Variants in RBFOX1 observed in about 807,000 individuals in gnomAD.
RBFOX1 encodes RNA binding fox-1 homolog 1, also known as RNA binding protein fox-1 homolog 1.
A neutral mutation model predicts 57.7 loss-of-function variants in RBFOX1; 8 were observed. The observed-to-expected ratio is 0.14, with a 90% CI of 0.08 to 0.25. The LOEUF is 0.25. Ranked by LOEUF, RBFOX1 falls within the 10% of genes least tolerant of loss-of-function variation. The pLI, the probability that RBFOX1 is intolerant of heterozygous loss-of-function variation, is 1.00. For missense variants in RBFOX1, 611 were observed against 548.5 expected, an observed-to-expected ratio of 1.11 and a Z score of -1.14; for synonymous variants, 326 against 222.4, an observed-to-expected ratio of 1.47 and a Z score of -4.15.
chr16:6,843,438 C>T (rs530549485), intron 3 of RBFOX1, among the ~76,000 whole-genome samples: 1 of 152,112 alleles, frequency 6.6e-6, no homozygotes, highest in Non-Finnish European at 1.5e-5. Context: ...CCTGTAATCC[C>T]AGTACTTTGG....
In RBFOX1 at chr16:5,814,249, G is replaced by T. The variant is rs147658300; in HGVS notation, c.319-53054G>T. ...TTAGCTGAAGTGCCTTTGGGAAACTGTATCACTGTTACCTTGCATGCTATG... is the reference window on the plus strand; with the variant it reads ...TTAGCTGAAGTGCCTTTGGGAAACTTTATCACTGTTACCTTGCATGCTATG... On this transcript the variant is annotated intron_variant, in intron 3 of 19. Coordinates refer to the RBFOX1 transcript ENST00000641259. Among the ~76,000 whole-genome samples the T allele has an allele frequency of 5.1e-4, 78 of 152,226 alleles. No homozygotes were observed. In the East Asian group the frequency reaches 0.012, roughly 24 times the overall value.
intron 4 of RBFOX1, among the ~76,000 whole-genome samples, chr16:7,355,880 C>G (rs545832958): frequency 1.3e-5 from 2 of 152,370 alleles, no homozygotes; most frequent in Admixed American, 1.3e-4. Context: ...CTGCTCTGCC[C>G]AGGCTTCTAG....
At position 5,391,829 on chromosome 16, in the gene RBFOX1, T is replaced by C. The variant is rs369052401; in HGVS notation, c.220-75387T>C. ...AAACTATGGTGTGTGTGTATATATA[T>C]ACACACACACCATATATAAAGAAAT... On this transcript the variant is annotated intron_variant, in intron 1 of 2. Transcript: ENST00000585867. Among the ~76,000 whole-genome samples, 7 of 151,038 alleles carry C rather than the reference T, an allele frequency of 4.6e-5. No individual in the cohort carries two copies. In the South Asian group the frequency reaches 8.4e-4, roughly 18 times the overall value.
intron 4 of RBFOX1, among the ~76,000 whole-genome samples, chr16:7,287,506 GC>G (rs1203099964): frequency 6.6e-6 from 1 of 152,156 alleles, no homozygotes; most frequent in Non-Finnish European, 1.5e-5. Context: ...TTCCCCACAG[GC>G]CATGGTGAGG....
rs536004597 is a variant in RBFOX1, at chr16:6,761,004, A to T, written c.-16+106354A>T. Among the ~76,000 whole-genome samples, 4 of 152,296 alleles carry T rather than the reference A, an allele frequency of 2.6e-5. No homozygotes were observed. The South Asian group carries it at 8.3e-4, about 32-fold the overall frequency. The stretch of plus-strand genomic sequence containing the variant: ...AAAAGTTGACTGAGCCATCTTTCCA[A>T]TTAATAAGAAAATACCAAACAGAAC... On this transcript the variant is annotated intron_variant, in intron 3 of 15. Coordinates refer to ENST00000550418, the MANE Select transcript of RBFOX1 (RefSeq NM_018723.4).
At chr16:7,699,138 T>C (rs2079792136) in intron 14 of RBFOX1, among the ~76,000 whole-genome samples, 1 of 152,164 alleles carries the variant, frequency 6.6e-6, no homozygotes, top group Non-Finnish European at 1.5e-5. Context: ...TTGCCCCAGA[T>C]AATTGTAATA....
chr16:7,143,821 ATC>A (rs1354389560), intron 4 of RBFOX1, among the ~76,000 whole-genome samples: 2 of 152,156 alleles, frequency 1.3e-5, no homozygotes, highest in African/African-American at 4.8e-5. Context: ...TACACAGTAT[ATC>A]TTACAGGTAG....
intron 2 of RBFOX1, among the ~76,000 whole-genome samples, chr16:5,490,799 G>A (rs980104019): frequency 2.0e-5 from 3 of 152,186 alleles, no homozygotes; most frequent in African/African-American, 7.2e-5. Context: ...ATCCGCCTCT[G>A]CACTGGGAGT....
At chr16:6,945,112 G>A (rs1434537285) in intron 3 of RBFOX1, among the ~76,000 whole-genome samples, 1 of 152,080 alleles carries the variant, frequency 6.6e-6, no homozygotes, top group East Asian at 1.9e-4. Flanking sequence ...ACGTCCCTTT[G>A]CTAGGGTCAC....
At chr16:6,422,726 C>T (rs1296955989) in intron 2 of RBFOX1, among the ~76,000 whole-genome samples, 2 of 152,086 alleles carry the variant, frequency 1.3e-5, no homozygotes. Flanking sequence ...CTTTCACTAG[C>T]ACAAAAATAG....
chr16:7,217,902 G>A (rs1190667581), intron 4 of RBFOX1, among the ~76,000 whole-genome samples: 1 of 131,986 alleles, frequency 7.6e-6, no homozygotes, highest in Non-Finnish European at 1.6e-5. Context: ...GCGTATGTGT[G>A]TGCATGTGTG....
chr16:7,696,052 C>T (rs560120889), intron 14 of RBFOX1, among the ~76,000 whole-genome samples: 1 of 152,140 alleles, frequency 6.6e-6, no homozygotes, highest in Non-Finnish European at 1.5e-5. Context: ...AAAGCAATGC[C>T]TTTTACGTGG....
At chr16:6,138,286 G>A (rs189821025) in intron 1 of RBFOX1, among the ~76,000 whole-genome samples, 17 of 152,292 alleles carry the variant, frequency 1.1e-4, no homozygotes, top group Admixed American at 5.9e-4. Flanking sequence ...GAACAAGGGG[G>A]CCCCATGTTT....
intron 2 of RBFOX1, among the ~76,000 whole-genome samples, chr16:6,565,882 T>C (rs1284737078): frequency 6.6e-6 from 1 of 152,232 alleles, no homozygotes; most frequent in African/African-American, 2.4e-5. Flanking sequence ...TAGTAACACA[T>C]AACCCCCAAT....
intron 1 of RBFOX1, among the ~76,000 whole-genome samples, chr16:5,403,335 C>T (rs2066767703): frequency 7.4e-6 from 1 of 134,756 alleles, no homozygotes; most frequent in Non-Finnish European, 1.5e-5. Flanking sequence ...GGGAAACAGA[C>T]TGAAACGCTG....
chr16:7,196,544 C>G (rs1262649568), intron 4 of RBFOX1, among the ~76,000 whole-genome samples: 1 of 152,222 alleles, frequency 6.6e-6, no homozygotes, highest in Admixed American at 6.5e-5. Context: ...TTTAAATGCA[C>G]AAACCCACTT....
intron 4 of RBFOX1, among the ~76,000 whole-genome samples, chr16:7,225,946 G>A (rs2093085426): frequency 6.9e-6 from 1 of 144,696 alleles, no homozygotes; most frequent in African/African-American, 2.7e-5. Context: ...TTTCTGAGAT[G>A]GGTGTCAGGA....
intron 14 of RBFOX1, among the ~76,000 whole-genome samples, chr16:7,678,284 T>C (rs114159404): frequency 0.015 from 2,234 of 152,260 alleles, 52 homozygotes; most frequent in African/African-American, 0.051. Flanking sequence ...TAAGTTGTTA[T>C]CTCCAACACA....
At chr16:7,555,493 C>T (rs1601708105) in intron 5 of RBFOX1, among the ~76,000 whole-genome samples, 1 of 152,184 alleles carries the variant, frequency 6.6e-6, no homozygotes, top group East Asian at 1.9e-4. Flanking sequence ...ACTATCTTTG[C>T]AACTTTTTTG....
Sources: gnomAD v4.1 joint callset for allele counts (sites outside exome capture counted in the v4.1 genomes callset) on GRCh38, gnomAD v4.1.1 for gene constraint, MANE v1.5 for transcripts, NCBI Gene and HGNC (gene_info 2026-07-23, HGNC 2026-07-21) for gene names.